SLC24A3: variants seen among roughly 807,000 people sequenced by gnomAD.
The protein encoded by SLC24A3 is sodium/potassium/calcium exchanger 3.
A neutral mutation model predicts 75.8 loss-of-function variants in SLC24A3; 28 were observed. The observed-to-expected ratio is 0.37, with a 90% CI of 0.27 to 0.51. The LOEUF is 0.51. Ranked by LOEUF, SLC24A3 falls within the 20% of genes least tolerant of loss-of-function variation. SLC24A3 has a pLI of 0.94. For synonymous variants in SLC24A3, 372 were observed against 334.1 expected (o/e 1.11, Z -1.24); for missense variants, 663 against 847.8 (o/e 0.78, Z 2.71).
At chr20:19,550,504 G>A (rs2030674504) in intron 3 of SLC24A3, among the ~76,000 whole-genome samples, 1 of 152,210 alleles carries the variant, frequency 6.6e-6, no homozygotes, top group African/African-American at 2.4e-5. Context: ...CTTGACTTAT[G>A]TGTAGCAACT....
At chr20:19,594,816 GC>G (rs1291683164) in intron 6 of SLC24A3, among the ~76,000 whole-genome samples, 1 of 152,116 alleles carries the variant, frequency 6.6e-6, no homozygotes, top group Non-Finnish European at 1.5e-5. Flanking sequence ...CTATGAAAAA[GC>G]AATACAGCAT....
chr20:19,673,486 G>C, intron 8 of SLC24A3, 115 bp from the exon 9 acceptor site: 1 of 836,564 alleles, frequency 1.2e-6, no homozygotes, highest in Non-Finnish European at 2.0e-6. Flanking sequence ...ACCTAGCACC[G>C]TCTGCCTTCT....
chr20:19,251,021 G>A (rs1982638436), intron 1 of SLC24A3, among the ~76,000 whole-genome samples: 1 of 152,136 alleles, frequency 6.6e-6, no homozygotes, highest in Non-Finnish European at 1.5e-5. Context: ...ATAAATGATT[G>A]CAAATGTCTG....
chr20:19,339,993 C>T (rs1985231000), intron 2 of SLC24A3, among the ~76,000 whole-genome samples: 1 of 152,140 alleles, frequency 6.6e-6, no homozygotes, highest in African/African-American at 2.4e-5. Flanking sequence ...TGTCTTCTGT[C>T]TCTGGGACTT....
chr20:19,583,725 G>A (rs983816147), intron 4 of SLC24A3, among the ~76,000 whole-genome samples: 3 of 152,190 alleles, frequency 2.0e-5, no homozygotes, highest in Non-Finnish European at 2.9e-5. Context: ...AGGGAGCTGC[G>A]AGCTGTGTCA....
intron 3 of SLC24A3, among the ~76,000 whole-genome samples, chr20:19,534,877 T>C (rs556130703): frequency 1.3e-5 from 2 of 152,314 alleles, no homozygotes; most frequent in Admixed American, 1.3e-4. Context: ...GAAAGAATGA[T>C]AGGTATTGTA....
At chr20:19,401,758 C>T (rs571697937) in intron 2 of SLC24A3, among the ~76,000 whole-genome samples, 1 of 152,270 alleles carries the variant, frequency 6.6e-6, no homozygotes, top group African/African-American at 2.4e-5. Flanking sequence ...AGAAATAATG[C>T]CCTTGTCCAA....
intron 1 of SLC24A3, among the ~76,000 whole-genome samples, chr20:19,262,482 T>G (rs1260301264): frequency 2.7e-5 from 4 of 150,470 alleles, no homozygotes; most frequent in Non-Finnish European, 4.4e-5. Context: ...GGCTTTATTC[T>G]CAGAAGCCAC....
intron 2 of SLC24A3, among the ~76,000 whole-genome samples, chr20:19,293,544 T>C (rs1377964863): frequency 3.3e-5 from 5 of 150,500 alleles, no homozygotes; most frequent in Non-Finnish European, 7.4e-5. Context: ...TAATCCCAGC[T>C]ACTTGGGAGG....
chr20:19,590,034 A>G (rs913043782), intron 6 of SLC24A3, among the ~76,000 whole-genome samples: 6 of 152,074 alleles, frequency 3.9e-5, no homozygotes, highest in African/African-American at 1.4e-4. Context: ...TTTTGAGTGT[A>G]GGATCTGGGG....
chr20:19,545,529 C>A (rs931726009), intron 3 of SLC24A3, among the ~76,000 whole-genome samples: 6 of 152,188 alleles, frequency 3.9e-5, no homozygotes, highest in Non-Finnish European at 7.3e-5. Flanking sequence ...GTCAGCCACA[C>A]CCTCTGGCCC....
intron 12 of SLC24A3, among the ~76,000 whole-genome samples, chr20:19,691,444 C>T (rs1288363724): frequency 5.9e-5 from 9 of 152,278 alleles, no homozygotes; most frequent in African/African-American, 1.9e-4. Context: ...CAGGCAGTGC[C>T]TTACAGACCA....
intron 2 of SLC24A3, among the ~76,000 whole-genome samples, chr20:19,345,583 A>G (rs996676812): frequency 6.6e-6 from 1 of 152,170 alleles, no homozygotes; most frequent in African/African-American, 2.4e-5. Context: ...ACTCCAACAA[A>G]TGAGCAAGAA....
chr20:19,251,609 G>C (rs1047006949), intron 1 of SLC24A3, among the ~76,000 whole-genome samples: 11 of 152,214 alleles, frequency 7.2e-5, no homozygotes, highest in African/African-American at 2.7e-4. Context: ...TGTGGAACAG[G>C]CTTCAGAATT....
chr20:19,583,772 A>G (rs973562342), intron 4 of SLC24A3, among the ~76,000 whole-genome samples: 1 of 152,156 alleles, frequency 6.6e-6, no homozygotes, highest in Non-Finnish European at 1.5e-5. Flanking sequence ...TCCATGGGAC[A>G]GGAGTGCTTG....
intron 2 of SLC24A3, among the ~76,000 whole-genome samples, chr20:19,406,982 C>T (rs1346729301): frequency 1.3e-5 from 2 of 151,408 alleles, no homozygotes; most frequent in Non-Finnish European, 2.9e-5. Context: ...CTAGCACAGA[C>T]ACATATCACT....
intron 1 of SLC24A3, among the ~76,000 whole-genome samples, chr20:19,222,783 C>CCTTCCTT: frequency 1.3e-5 from 1 of 75,862 alleles, no homozygotes; most frequent in African/African-American, 5.3e-5. Context: ...TCCCCTCCCT[C>CCTTCCTT]CCTTCCTTCC....
intron 15 of SLC24A3, among the ~76,000 whole-genome samples, chr20:19,705,974 A>G (rs1051275110): frequency 5.9e-5 from 9 of 152,250 alleles, no homozygotes; most frequent in African/African-American, 2.2e-4. Flanking sequence ...TCTGTTCCAC[A>G]AGCTTTAAGA....
At chr20:19,658,855 C>G (rs935482668) in intron 7 of SLC24A3, among the ~76,000 whole-genome samples, 3 of 152,202 alleles carry the variant, frequency 2.0e-5, no homozygotes, top group African/African-American at 4.8e-5. Flanking sequence ...TCCTCTGCCC[C>G]CAGTGAGCAC....
Sources: gnomAD v4.1 joint callset for allele counts (sites outside exome capture counted in the v4.1 genomes callset) on GRCh38, gnomAD v4.1.1 for gene constraint, MANE v1.5 for transcripts, NCBI Gene and HGNC (gene_info 2026-07-23, HGNC 2026-07-21) for gene names.